The following CACNA2D3 variants were observed in gnomAD, a reference collection of about 807,000 sequenced individuals.
The protein encoded by CACNA2D3 is calcium voltage-gated channel auxiliary subunit alpha2delta 3, also known as voltage-dependent calcium channel subunit alpha-2/delta-3.
In CACNA2D3, 60 loss-of-function variants were observed where a neutral mutation model predicts 160.6. The ratio of observed to expected loss-of-function variants is 0.37; its 90% CI spans 0.30 to 0.46. The LOEUF (loss-of-function observed/expected upper bound fraction) is 0.46, where lower values mean the gene tolerates loss of function less well. CACNA2D3 is among the 20% of genes least tolerant of loss of function. The pLI is 1.00. For missense variants in CACNA2D3, 1,205 were observed against 1,365.0 expected (o/e 0.88, Z 1.85); for synonymous variants, 558 against 492.9 (o/e 1.13, Z -1.75).
rs1296530549 is a variant in CACNA2D3, at chr3:54,743,173, G to A, written c.1168-9426G>A. 2.0e-5 allele frequency among the ~76,000 whole-genome samples: 3 copies of A among 152,202 alleles called. No individual in the cohort carries two copies. The South Asian group carries it at 6.2e-4, about 32-fold the overall frequency. The stretch of plus-strand genomic sequence containing the variant: ...TTCGTTGAGAATCTACTCCATGCCA[G>A]GTACTGAATTGGGCACGGGTGCCTC... On this transcript the variant is annotated intron_variant, in intron 11 of 37. Transcript: ENST00000474759.
intron 13 of CACNA2D3, among the ~76,000 whole-genome samples, chr3:54,810,422 A>G (rs1703274478): frequency 6.6e-6 from 1 of 152,158 alleles, no homozygotes; most frequent in Non-Finnish European, 1.5e-5. Context: ...ATTTAACAGA[A>G]CTTTCTTTGC....
At chr3:54,524,700 T>C (rs1701697651) in intron 5 of CACNA2D3, among the ~76,000 whole-genome samples, 1 of 152,128 alleles carries the variant, frequency 6.6e-6, no homozygotes, top group Admixed American at 6.5e-5. Context: ...AATTGTTATA[T>C]CTTCCCGACA....
chr3:54,739,791 G>A (rs1479457611), intron 11 of CACNA2D3, among the ~76,000 whole-genome samples: 1 of 105,738 alleles, frequency 9.5e-6, no homozygotes, highest in African/African-American at 3.2e-5. Context: ...GTGTGTGTGT[G>A]TGTGGAATTA....
intron 2 of CACNA2D3, among the ~76,000 whole-genome samples, chr3:54,219,366 C>T (rs1394573575): frequency 6.6e-6 from 1 of 152,178 alleles, no homozygotes; most frequent in East Asian, 1.9e-4. Context: ...TTGACTTGCA[C>T]CTATTCATTT....
intron 4 of CACNA2D3, among the ~76,000 whole-genome samples, chr3:54,411,505 A>G (rs1466565615): frequency 6.6e-6 from 1 of 152,198 alleles, no homozygotes; most frequent in African/African-American, 2.4e-5. Flanking sequence ...ATTACAACTC[A>G]CTAAAGGCTC....
At chr3:55,059,352 A>C (rs1704444250) in intron 35 of CACNA2D3, among the ~76,000 whole-genome samples, 1 of 152,234 alleles carries the variant, frequency 6.6e-6, no homozygotes, top group South Asian at 2.1e-4. Flanking sequence ...GAATCATTAC[A>C]TTACTATTGC....
intron 27 of CACNA2D3, among the ~76,000 whole-genome samples, chr3:54,949,932 TA>T (rs1701714936): frequency 6.6e-6 from 1 of 152,214 alleles, no homozygotes; most frequent in South Asian, 2.1e-4. Context: ...CCACCCCAAA[TA>T]ATGTTTCTCT....
At chr3:54,709,711 G>C (rs573811102) in intron 11 of CACNA2D3, among the ~76,000 whole-genome samples, 11 of 152,132 alleles carry the variant, frequency 7.2e-5, no homozygotes, top group Non-Finnish European at 1.6e-4. Flanking sequence ...GGTTGCTTGT[G>C]ACCAGTAGTT....
intron 11 of CACNA2D3, among the ~76,000 whole-genome samples, chr3:54,735,161 C>G (rs1485856355): frequency 6.6e-6 from 1 of 152,234 alleles, no homozygotes. Context: ...TTCTTAATGG[C>G]AGAACTGCTG....
chr3:54,478,652 A>G (rs1341072393), intron 4 of CACNA2D3, among the ~76,000 whole-genome samples: 4 of 77,064 alleles, frequency 5.2e-5, no homozygotes, highest in African/African-American at 2.1e-4. Context: ...ATATATAAAT[A>G]TGTGTGTGTA....
At chr3:54,756,899 T>C (rs1318867879) in intron 12 of CACNA2D3, among the ~76,000 whole-genome samples, 1 of 152,150 alleles carries the variant, frequency 6.6e-6, no homozygotes, top group African/African-American at 2.4e-5. Flanking sequence ...AGCTTGTGAG[T>C]TTATTTCATT....
chr3:54,603,792 G>T (rs948449936), intron 9 of CACNA2D3, among the ~76,000 whole-genome samples: 2 of 152,076 alleles, frequency 1.3e-5, no homozygotes, highest in Non-Finnish European at 2.9e-5. Flanking sequence ...ATTATAAGTT[G>T]CATGTAGTTC....
intron 12 of CACNA2D3, among the ~76,000 whole-genome samples, chr3:54,753,077 T>G (rs950623113): frequency 2.6e-5 from 4 of 152,122 alleles, no homozygotes; most frequent in African/African-American, 9.7e-5. Flanking sequence ...GCCAGGCTGG[T>G]CTAGAACTCC....
intron 3 of CACNA2D3, among the ~76,000 whole-genome samples, chr3:54,382,064 A>G (rs1370683578): frequency 2.6e-5 from 4 of 152,220 alleles, no homozygotes; most frequent in Admixed American, 6.5e-5. Flanking sequence ...CTCACAGCTC[A>G]GTTCCATAGG....
At chr3:54,909,643 AT>A (rs759615370) in intron 27 of CACNA2D3, among the ~76,000 whole-genome samples, 13,653 of 123,770 alleles carry the variant, frequency 0.11, 681 homozygotes, top group Middle Eastern at 0.12. Context: ...TTTTTTTGTG[AT>A]TTTTTTTTTT....
chr3:54,461,949 T>G (rs911955356), intron 4 of CACNA2D3, among the ~76,000 whole-genome samples: 4 of 152,242 alleles, frequency 2.6e-5, no homozygotes, highest in Non-Finnish European at 5.9e-5. Flanking sequence ...CTGCTTTGAA[T>G]GCGTCCCAGA....
chr3:54,945,903 G>A (rs186752019), intron 27 of CACNA2D3, among the ~76,000 whole-genome samples: 84 of 152,202 alleles, frequency 5.5e-4, no homozygotes, highest in Middle Eastern at 3.4e-3. Context: ...GGTGGATGGC[G>A]GGGGCCATCC....
At chr3:54,645,504 C>T (rs893259391) in intron 11 of CACNA2D3, among the ~76,000 whole-genome samples, 18 of 152,236 alleles carry the variant, frequency 1.2e-4, no homozygotes, top group Non-Finnish European at 2.2e-4. Context: ...CCCCATTAGG[C>T]AGCAAATGCA....
At chr3:54,631,440 C>G (rs1334206653) in intron 10 of CACNA2D3, among the ~76,000 whole-genome samples, 1 of 152,136 alleles carries the variant, frequency 6.6e-6, no homozygotes, top group East Asian at 1.9e-4. Flanking sequence ...TTTTCTACTT[C>G]ATCAATATGA....
Sources: allele counts gnomAD v4.1 joint callset (sites outside exome capture counted in the v4.1 genomes callset), GRCh38; gene constraint gnomAD v4.1.1; transcripts MANE v1.5; gene names NCBI Gene and HGNC (gene_info 2026-07-23, HGNC 2026-07-21).